The following COPB1 variants were observed in gnomAD, a reference collection of about 807,000 sequenced individuals.
COPB1 encodes the protein coatomer subunit beta.
COPB1 carries 21 observed loss-of-function variants against 108.7 expected under a neutral mutation model. The ratio of observed to expected loss-of-function variants is 0.19; its 90% CI spans 0.14 to 0.28. The LOEUF is 0.28. Ranked by LOEUF, COPB1 falls within the 10% of genes least tolerant of loss-of-function variation. The pLI, the probability that COPB1 is intolerant of heterozygous loss-of-function variation, is 1.00. For synonymous variants in COPB1, 378 were observed against 386.8 expected, an observed-to-expected ratio of 0.98 and a Z score of 0.27; for missense variants, 919 against 1,141.3, an observed-to-expected ratio of 0.81 and a Z score of 2.81.
At chr11:14,493,071 G>A (rs1008869645) in intron 4 of COPB1, among the ~76,000 whole-genome samples, 7 of 152,140 alleles carry the variant, frequency 4.6e-5, no homozygotes, top group East Asian at 1.9e-4. Flanking sequence ...ACTTGAATCC[G>A]GGAGGTGGAG....
intron 16 of COPB1, among the ~76,000 whole-genome samples, chr11:14,467,861 A>T (rs1478056773): frequency 6.6e-6 from 1 of 152,226 alleles, no homozygotes; most frequent in East Asian, 1.9e-4. Context: ...GACACAAAGT[A>T]GAATGGTGGC....
Position 14,479,636 on chromosome 11 carries a change from A to G in COPB1, c.1291T>C (p.Phe431Leu). 6.2e-7 allele frequency: 1 copy of G among 1,613,660 alleles called. No homozygotes were observed. ...LEFVREAIQR[F>L]DNLRMLIVEK... is the part of the protein sequence containing the mutation. ...ACAATAAGCATTCTCAGGTTATCAA[A>G]GCGCTGAATGGCTTCACGAACAAAC... The change falls in exon 11 of 22, where the codon TTT becomes CTT. Residue 431 changes from phenylalanine to leucine, a missense_variant. By Grantham distance (22) the Phe-to-Leu change is conservative. This residue lies in a region of COPB1 where 705 missense variants were observed against 817.8 expected (regional missense o/e 0.86). Coordinates refer to ENST00000439561, the MANE Select transcript of COPB1 (RefSeq NM_001144061.2).
chr11:14,482,680 G>A (rs1463382582), intron 8 of COPB1, among the ~76,000 whole-genome samples: 1 of 152,032 alleles, frequency 6.6e-6, no homozygotes, highest in Non-Finnish European at 1.5e-5. Flanking sequence ...GATTACAGGC[G>A]CACTTCACCA....
Position 14,498,842 on chromosome 11 carries a change from A to G in COPB1, c.87T>C (p.Asp29=), listed in dbSNP as rs192925348. Reference sequence around the variant, plus strand: ...CAAAATAATATCGAAGTTTACCTAGATCATTTTTTAAGCTAATTTCAGATG... The same window carrying G: ...CAAAATAATATCGAAGTTTACCTAGGTCATTTTTTAAGCTAATTTCAGATG... ...EPPSEISLKN[D]LEKGDVKSKT... is the part of the protein sequence containing the mutation. Residue 29 remains aspartate, a synonymous_variant, in exon 2 of 22, where the codon GAT becomes GAC. Transcript: ENST00000439561. 4 of 1,597,744 alleles carry G rather than the reference A, an allele frequency of 2.5e-6. No individual in the cohort carries two copies. The Admixed American group carries it at 5.3e-5, about 21-fold the overall frequency.
chr11:14,470,935 C>CAA (rs1331771124), intron 14 of COPB1, among the ~76,000 whole-genome samples: 76 of 132,936 alleles, frequency 5.7e-4, no homozygotes, highest in Non-Finnish European at 8.9e-4. Context: ...CACACACACA[C>CAA]ACACACACAC....
In COPB1 at chr11:14,474,576, A is replaced by G; in HGVS notation, c.1656T>C (p.Phe552=). Residue 552 remains phenylalanine (F), a synonymous_variant, in exon 14 of 22, where the codon TTT becomes TTC. Coordinates refer to ENST00000439561, the MANE Select transcript of COPB1 (RefSeq NM_001144061.2). ...GAGTTGTGGCAAGGGAGGCAGCAACAAAGAAATCTCCATCCAGAAGGAATC... is the reference window on the plus strand; with the variant it reads ...GAGTTGTGGCAAGGGAGGCAGCAACGAAGAAATCTCCATCCAGAAGGAATC... The part of the protein sequence containing the change: ...LRGFLLDGDF[F]VAASLATTLT... The G allele has an allele frequency of 1.2e-6, 2 of 1,614,030 alleles. No homozygotes were observed. The highest frequency in any genetic ancestry group is 1.7e-6 in the Non-Finnish European group (2 of 1,179,958).
chr11:14,493,420 G>T (rs1245718461), intron 4 of COPB1, among the ~76,000 whole-genome samples: 2 of 152,168 alleles, frequency 1.3e-5, no homozygotes, highest in Non-Finnish European at 2.9e-5. Flanking sequence ...ATTTAAAGGG[G>T]GTTACTGTTA....
At chr11:14,464,021 C>T (rs1483598179) in intron 18 of COPB1, among the ~76,000 whole-genome samples, 1 of 152,166 alleles carries the variant, frequency 6.6e-6, no homozygotes, top group African/African-American at 2.4e-5. Context: ...ATTTGTAATT[C>T]CTCAATGTTT....
At chr11:14,475,664 A>G (rs1850505559) in intron 13 of COPB1, 121 bp downstream of exon 13, 2 of 1,044,074 alleles carry the variant, frequency 1.9e-6, no homozygotes, top group Non-Finnish European at 2.6e-6. Context: ...CAAGTACCTT[A>G]AATGGCAAAG....
chr11:14,469,507 G>T lies in COPB1; in HGVS notation c.1794C>A (p.Ser598=). The T allele has an allele frequency of 1.2e-6, 2 of 1,614,138 alleles. No homozygotes were observed. Among genetic ancestry groups the T allele is most frequent in the Non-Finnish European group, 1.7e-6 (2 of 1,180,008 alleles). The change falls in exon 15 of 22, where the codon TCC becomes TCA. Residue 598 remains serine (S), a synonymous_variant. Coordinates refer to ENST00000439561, the MANE Select transcript of COPB1 (RefSeq NM_001144061.2). ...LMATILHLGK[S]SLPKKPITDD... ...CAGTAATTGGCTTCTTAGGAAGAGA[G>T]GATTTTCCCAAATGCAGGATAGTAG... is the stretch of plus-strand genomic sequence containing the variant.
At chr11:14,461,039 G>C (rs1238317003) in intron 19 of COPB1, 147 bp downstream of exon 19, 5 of 962,492 alleles carry the variant, frequency 5.2e-6, no homozygotes, top group East Asian at 5.2e-5. Flanking sequence ...TTTTAGTTAA[G>C]GCTAATTTGC....
rs1850079658 is a variant in COPB1, at chr11:14,458,698, T to A, written c.2647-11A>T. The A allele has an allele frequency of 6.2e-7, 1 of 1,607,078 alleles. No homozygotes were observed. The highest frequency in any genetic ancestry group is 8.5e-7 in the Non-Finnish European group (1 of 1,177,480). On this transcript the variant is annotated splice_polypyrimidine_tract_variant and intron_variant, in intron 20 of 21. Transcript: ENST00000439561. ...GTAACCAGAAAGGGCCTGGAAAAAA[T>A]TTGTGATAAATTCATTACTTTACCA...
chr11:14,473,063 C>T (rs1850441987), intron 14 of COPB1, among the ~76,000 whole-genome samples: 1 of 152,162 alleles, frequency 6.6e-6, no homozygotes, highest in African/African-American at 2.4e-5. Context: ...CAACCTCTGC[C>T]TCCCATGTTC....
At chr11:14,489,852 G>A (rs1850856738) in intron 5 of COPB1, among the ~76,000 whole-genome samples, 1 of 152,140 alleles carries the variant, frequency 6.6e-6, no homozygotes, top group Admixed American at 6.6e-5. Flanking sequence ...ACTTAAAAAT[G>A]GTTAAGAGGG....
intron 6 of COPB1, among the ~76,000 whole-genome samples, chr11:14,487,397 C>A (rs1850797980): frequency 6.6e-6 from 1 of 152,180 alleles, no homozygotes; most frequent in African/African-American, 2.4e-5. Flanking sequence ...GAACTATAGG[C>A]TGGACATGGT....
At chr11:14,475,721 G>C in intron 13 of COPB1, 64 bp downstream of exon 13, 1 of 1,380,860 alleles carries the variant, frequency 7.2e-7, no homozygotes, top group Non-Finnish European at 9.5e-7. Flanking sequence ...TCATTTGACT[G>C]TCTTACATAC....
chr11:14,490,438 T>G (rs1407289349), intron 5 of COPB1, 127 bp downstream of exon 5: 4 of 518,860 alleles, frequency 7.7e-6, no homozygotes, highest in Non-Finnish European at 1.3e-5. Context: ...AGCTTAAAAA[T>G]TTCAAAATAC....
chr11:14,484,582 G>C (rs1304454665), intron 7 of COPB1, among the ~76,000 whole-genome samples: 1 of 152,192 alleles, frequency 6.6e-6, no homozygotes, highest in Non-Finnish European at 1.5e-5. Flanking sequence ...GCTGGGTGTG[G>C]TGGCATGCGC....
intron 11 of COPB1, among the ~76,000 whole-genome samples, chr11:14,477,388 T>TTAAAAAAAAAAAAAAAA (rs1850546535): frequency 1.7e-4 from 1 of 5,802 alleles, no homozygotes; most frequent in Non-Finnish European, 2.8e-4. Flanking sequence ...AGACTCCGTC[T>TTAAAAAAAAAAAAAAAA]CAAAAAAAAA....
Sources: gnomAD v4.1 joint callset for allele counts (sites outside exome capture counted in the v4.1 genomes callset) on GRCh38, gnomAD v4.1.1 for gene constraint, gnomAD v4.1.1 regional missense constraint, MANE v1.5 for transcripts, NCBI Gene and HGNC (gene_info 2026-07-23, HGNC 2026-07-21) for gene names.